The following BTBD3 variants were observed in gnomAD, a reference collection of about 807,000 sequenced individuals.
BTBD3 encodes the protein BTB/POZ domain-containing protein 3.
Under a neutral mutation model 41.6 loss-of-function variants are expected in BTBD3, and 14 were observed. That is an observed-to-expected ratio of 0.34 (90% CI 0.22 to 0.53). The LOEUF is 0.53. Ranked by LOEUF, BTBD3 falls within the 20% of genes least tolerant of loss-of-function variation. The pLI, the probability that BTBD3 is intolerant of heterozygous loss-of-function variation, is 0.95. For synonymous variants in BTBD3, 249 were observed against 233.7 expected, an observed-to-expected ratio of 1.07 and a Z score of -0.60; for missense variants, 426 against 654.7, an observed-to-expected ratio of 0.65 and a Z score of 3.81.
At chr20:11,921,796 CAAGAT>C (rs2056971909) in intron 3 of BTBD3, 1 of 152,082 alleles carries the variant, frequency 6.6e-6, no homozygotes, top group African/African-American at 2.4e-5. Flanking sequence ...AAGGAAAACT[CAAGAT>C]AAAGTAGCTG....
intron 1 of BTBD3, among the ~76,000 whole-genome samples, chr20:11,902,368 A>G (rs2056829131): frequency 6.6e-6 from 1 of 152,174 alleles, no homozygotes; most frequent in Non-Finnish European, 1.5e-5. Context: ...ACCTCAATCT[A>G]CAGTACATAT....
Position 11,897,470 on chromosome 20 carries a change from TC to T in BTBD3, c.-126+6517del, listed in dbSNP as rs537259870. 1.0e-3 allele frequency among the ~76,000 whole-genome samples: 146 copies of T among 144,862 alleles called. 1 individual carries two copies. The highest frequency in any genetic ancestry group is 2.0e-3 in the Non-Finnish European group (135 of 66,850). ...CTAGTGGGTGTTAGCTCCATTTTTT[TC>T]ATGTTATTTAAGCAAAAAAAAAAAA... On this transcript the variant is annotated intron_variant, in intron 1 of 4. Transcript: ENST00000254977.
upstream of BTBD3, among the ~76,000 whole-genome samples, chr20:11,916,672 C>T (rs1441041628): frequency 6.6e-6 from 1 of 152,184 alleles, no homozygotes; most frequent in Non-Finnish European, 1.5e-5. Flanking sequence ...ACAATCGTAA[C>T]TCTTATTTGC....
chr20:11,919,191 C>T lies in BTBD3; in HGVS notation c.417+15C>T, dbSNP rs2122302487. The T allele has an allele frequency of 1.2e-6, 2 of 1,609,554 alleles. No homozygotes were observed. Among genetic ancestry groups the T allele is most frequent in the East Asian group, 4.5e-5 (2 of 44,832 alleles). On this transcript the variant is annotated intron_variant, in intron 2 of 3. Transcript: ENST00000378226. ...CAGGACACAAAGTAAGCAACAGCTG[C>T]ATGACCGGTTTAGTCCTGACGTTTA...
chr20:11,918,498 T>G lies in BTBD3; in HGVS notation c.223T>G (p.Ser75Ala), dbSNP rs769556963. Residue 75 changes from serine to alanine, a missense_variant, in exon 1 of 4, where the codon TCC (serine) becomes GCC (alanine). Around this residue, in one of 3 missense-constraint regions of BTBD3, gnomAD observed 52 missense variants for 45.1 expected, o/e 1.15. Transcript: ENST00000378226. The stretch of plus-strand genomic sequence containing the variant: ...ATTCCCCCGTAAAAAGCCAGCCAAC[T>G]CCAGCAGCACCAGCGTCCAGCAGTA... The part of the protein sequence containing the change: ...DIFPRKKPAN[S>A]SSTSVQQYHQ... 2 of 1,614,068 alleles carry G rather than the reference T, an allele frequency of 1.2e-6. No individual in the cohort carries two copies. The highest frequency in any genetic ancestry group is 2.7e-5 in the African/African-American group (2 of 74,926).
chr20:11,906,253 C>CTTTTTTTT (rs1568610658), intron 1 of BTBD3, among the ~76,000 whole-genome samples: 2 of 37,348 alleles, frequency 5.4e-5, no homozygotes, highest in Admixed American at 3.3e-4. Context: ...TATTATTACT[C>CTTTTTTTT]CTTTTTTTTT....
At chr20:11,917,887 C>G, upstream of BTBD3, 2 of 1,002,894 alleles carry the variant, frequency 2.0e-6, no homozygotes, top group Non-Finnish European at 2.4e-6. Flanking sequence ...CTCCTCCGAT[C>G]CATTCACCAC....
chr20:11,893,729 TG>T (rs2056769978), intron 1 of BTBD3, among the ~76,000 whole-genome samples: 1 of 152,122 alleles, frequency 6.6e-6, no homozygotes, highest in African/African-American at 2.4e-5. Context: ...TGGGAATCAC[TG>T]AAAAAAATTA....
intron 1 of BTBD3, among the ~76,000 whole-genome samples, chr20:11,891,174 C>T (rs1452078317): frequency 3.1e-5 from 4 of 126,988 alleles, no homozygotes; most frequent in African/African-American, 1.1e-4. Context: ...GGCTGGCTTT[C>T]CGAGGGGGGG....
At chr20:11,906,475 T>G (rs2122225569) in intron 1 of BTBD3, among the ~76,000 whole-genome samples, 1 of 151,724 alleles carries the variant, frequency 6.6e-6, no homozygotes, top group African/African-American at 2.4e-5. Context: ...TGTTGGACAG[T>G]CTGTTCTTGA....
rs543474477 is a variant in BTBD3, at chr20:11,917,925, C to G, written c.-351C>G. ...AACTTCAGCCGGCTGAACAGACTCA[C>G]GCAGCTCCAGCCCATCTTGCTGACC... On this transcript the variant is annotated 5_prime_UTR_variant, in exon 1 of 4. Transcript: ENST00000378226. 2 of 1,019,544 alleles carry G rather than the reference C, an allele frequency of 2.0e-6. No homozygotes were observed. The highest frequency in any genetic ancestry group is 2.4e-6 in the Non-Finnish European group (2 of 850,778). The allele number at this position is 1,019,544 out of a possible 1,614,324, so 63.2% of individuals were successfully genotyped here. A position where few individuals can be genotyped will look rare whatever the true frequency, so the allele number is the denominator to read the frequency against.
chr20:11,922,618 T>TA lies in BTBD3; in HGVS notation c.537-15dup. 1 of 1,588,500 alleles carries TA rather than the reference T, an allele frequency of 6.3e-7. No homozygotes were observed. The highest frequency in any genetic ancestry group is 1.7e-5 in the Admixed American group (1 of 57,416). ...TTTTGTGAAAATTCCACTTACATGT[T>TA]ATGTGCTTTTTACAGATATATCTAT... On this transcript the variant is annotated splice_polypyrimidine_tract_variant and intron_variant, in intron 3 of 3. Coordinates refer to ENST00000378226, the MANE Select transcript of BTBD3 (RefSeq NM_014962.4).
Position 11,924,916 on chromosome 20 carries a change from T to C in BTBD3, c.*1250T>C, listed in dbSNP as rs1248006179. On this transcript the variant is annotated 3_prime_UTR_variant, in exon 4 of 4. Coordinates refer to ENST00000378226, the MANE Select transcript of BTBD3 (RefSeq NM_014962.4). Reference sequence around the variant, plus strand: ...ATATTCACTGCATCAGTATCACATCTAGCTCCCTTACTTGTCCACAGATAA... The same window carrying C: ...ATATTCACTGCATCAGTATCACATCCAGCTCCCTTACTTGTCCACAGATAA... 1 of 152,654 alleles carries C rather than the reference T, an allele frequency of 6.6e-6. No individual in the cohort carries two copies. The highest frequency in any genetic ancestry group is 1.5e-5 in the Non-Finnish European group (1 of 68,038). 9.5% of individuals were successfully genotyped at this position (152,654 alleles called of 1,614,324 possible).
At chr20:11,897,110 T>C (rs753713471) in intron 1 of BTBD3, among the ~76,000 whole-genome samples, 10 of 152,204 alleles carry the variant, frequency 6.6e-5, no homozygotes, top group Non-Finnish European at 1.2e-4. Context: ...TTTAAATTTG[T>C]GTTGGTTTTC....
At chr20:11,911,805 A>G (rs916573927) in intron 1 of BTBD3, among the ~76,000 whole-genome samples, 1 of 152,188 alleles carries the variant, frequency 6.6e-6, no homozygotes, top group Non-Finnish European at 1.5e-5. Flanking sequence ...GGTAAACTTT[A>G]TATACCCCTT....
At chr20:11,907,151 A>G (rs566200210) in intron 1 of BTBD3, among the ~76,000 whole-genome samples, 20 of 152,338 alleles carry the variant, frequency 1.3e-4, no homozygotes, top group Non-Finnish European at 2.8e-4. Flanking sequence ...GAATATGTGT[A>G]TTACATTAAA....
chr20:11,906,791 T>C (rs1600234409), intron 1 of BTBD3, among the ~76,000 whole-genome samples: 1 of 152,262 alleles, frequency 6.6e-6, no homozygotes, highest in African/African-American at 2.4e-5. Flanking sequence ...GAGGCATGCA[T>C]TTTCCTACTG....
At chr20:11,898,672 T>G (rs1320402116) in intron 1 of BTBD3, among the ~76,000 whole-genome samples, 1 of 152,074 alleles carries the variant, frequency 6.6e-6, no homozygotes, top group East Asian at 1.9e-4. Context: ...CTTCTCCAAT[T>G]TTTTTTTCAG....
intron 1 of BTBD3, among the ~76,000 whole-genome samples, chr20:11,905,524 G>C (rs1224039941): frequency 6.6e-6 from 1 of 152,166 alleles, no homozygotes; most frequent in East Asian, 1.9e-4. Context: ...TATAGCAAAG[G>C]GGAATGCACA....
Sources: gnomAD v4.1 joint callset for allele counts (sites outside exome capture counted in the v4.1 genomes callset) on GRCh38, gnomAD v4.1.1 for gene constraint, gnomAD v4.1.1 regional missense constraint, MANE v1.5 for transcripts, NCBI Gene and HGNC (gene_info 2026-07-23, HGNC 2026-07-21) for gene names.